RIMS1: variants seen among roughly 807,000 people sequenced by gnomAD.
RIMS1 encodes the protein regulating synaptic membrane exocytosis protein 1.
RIMS1 carries 83 observed loss-of-function variants against 214.1 expected under a neutral mutation model. The ratio of observed to expected loss-of-function variants is 0.39; its 90% confidence interval spans 0.32 to 0.47. The LOEUF is 0.47. Ranked by LOEUF, RIMS1 falls within the 20% of genes least tolerant of loss-of-function variation. The probability of loss-of-function intolerance (pLI) is 0.99; values close to 1 mark genes in which losing one functional copy is unlikely to be tolerated. For missense variants in RIMS1, 2,050 were observed against 2,161.8 expected, an observed-to-expected ratio of 0.95 and a Z score of 1.03; for synonymous variants, 793 against 786.8, an observed-to-expected ratio of 1.01 and a Z score of -0.13.
intron 2 of RIMS1, among the ~76,000 whole-genome samples, chr6:72,030,248 T>C (rs1817709625): frequency 6.6e-6 from 1 of 152,200 alleles, no homozygotes; most frequent in Non-Finnish European, 1.5e-5. Flanking sequence ...TCAGGTAATG[T>C]GATGCTGTGG....
At chr6:71,998,041 G>A (rs1333695495) in intron 2 of RIMS1, among the ~76,000 whole-genome samples, 1 of 152,070 alleles carries the variant, frequency 6.6e-6, no homozygotes, top group Non-Finnish European at 1.5e-5. Flanking sequence ...CATCTAAAAT[G>A]TTTAATGATT....
Position 72,145,911 on chromosome 6 carries a change from G to A in RIMS1, c.472-33664G>A, listed in dbSNP as rs114335140. On this transcript the variant is annotated intron_variant, in intron 4 of 33. Transcript: ENST00000521978. ...CATAAGTTAAGAATACTCCCAAATC[G>A]TTTCCAAATTGTGGAGAAACCAGGC... 8.1e-3 allele frequency among the ~76,000 whole-genome samples: 1,236 copies of A among 152,264 alleles called. 20 individuals are homozygous for A. The highest frequency in any genetic ancestry group is 0.027 in the African/African-American group (1,113 of 41,540).
At chr6:72,026,460 C>G (rs1033922833) in intron 2 of RIMS1, among the ~76,000 whole-genome samples, 5 of 139,774 alleles carry the variant, frequency 3.6e-5, no homozygotes, top group African/African-American at 1.3e-4. Flanking sequence ...GCACCGCCCC[C>G]CCCCCCAACT....
Position 72,030,233 on chromosome 6 carries a change from A to G in RIMS1, c.245+61170A>G, listed in dbSNP as rs544878913. On this transcript the variant is annotated intron_variant, in intron 2 of 33. Transcript: ENST00000521978. Reference sequence around the variant, plus strand: ...GTGCCCAAGATTCTGCATGTCTAACAAGCTTCAGGTAATGTGATGCTGTGG... The same window carrying G: ...GTGCCCAAGATTCTGCATGTCTAACGAGCTTCAGGTAATGTGATGCTGTGG... Among the ~76,000 whole-genome samples, 3 of 152,282 alleles carry G rather than the reference A, an allele frequency of 2.0e-5. No individual in the cohort carries two copies. In the South Asian group the frequency reaches 6.2e-4, roughly 32 times the overall value.
At chr6:72,348,405 T>C (rs2097338748) in intron 29 of RIMS1, among the ~76,000 whole-genome samples, 1 of 151,882 alleles carries the variant, frequency 6.6e-6, no homozygotes, top group Non-Finnish European at 1.5e-5. Context: ...ACTGTAGAAG[T>C]GATTTGTCTA....
intron 29 of RIMS1, among the ~76,000 whole-genome samples, chr6:72,351,013 T>G (rs1406366859): frequency 6.6e-6 from 1 of 152,150 alleles, no homozygotes; most frequent in Non-Finnish European, 1.5e-5. Flanking sequence ...AATAATTCAC[T>G]TTCTTCTCAT....
intron 4 of RIMS1, among the ~76,000 whole-genome samples, chr6:72,126,472 G>A (rs1014514914): frequency 6.6e-6 from 1 of 151,948 alleles, no homozygotes; most frequent in African/African-American, 2.4e-5. Flanking sequence ...ATAATCAGCA[G>A]AGTAAGCCGA....
Position 72,265,714 on chromosome 6 carries a change from G to C in RIMS1, c.3308+211G>C, listed in dbSNP as rs918366371. ...AGGTGTGATTTAGTCTCATTTTTCA[G>C]TCTGAGACACTTTTAAAAATTATGC... On this transcript the variant is annotated intron_variant, in intron 21 of 33. Coordinates refer to ENST00000521978, the MANE Select transcript of RIMS1 (RefSeq NM_014989.7). 4.6e-5 allele frequency among the ~76,000 whole-genome samples: 7 copies of C among 152,104 alleles called. No individual in the cohort carries two copies. In the East Asian group the frequency reaches 1.4e-3, roughly 29 times the overall value.
intron 19 of RIMS1, chr6:72,263,470 C>T: frequency 1.0e-6 from 1 of 980,612 alleles, no homozygotes; most frequent in Non-Finnish European, 1.2e-6. Context: ...CAATAAGTGG[C>T]AAAGCCAAGG....
At chr6:71,940,871 G>A (rs550819702) in intron 1 of RIMS1, among the ~76,000 whole-genome samples, 73 of 152,210 alleles carry the variant, frequency 4.8e-4, no homozygotes, top group African/African-American at 1.6e-3. Context: ...GACATGTTAG[G>A]GTTGTGAAAC....
chr6:71,982,751 A>G (rs1584111952), intron 2 of RIMS1, among the ~76,000 whole-genome samples: 1 of 152,038 alleles, frequency 6.6e-6, no homozygotes, highest in Non-Finnish European at 1.5e-5. Flanking sequence ...TCCTTTTTGC[A>G]TGGGGTTGGA....
chr6:72,181,115 A>C (rs1246599780), intron 5 of RIMS1, among the ~76,000 whole-genome samples: 1 of 152,214 alleles, frequency 6.6e-6, no homozygotes, highest in Non-Finnish European at 1.5e-5. Context: ...AAGAGACCAC[A>C]CACTATTCTA....
chr6:71,929,246 C>T (rs1582854670), intron 1 of RIMS1, among the ~76,000 whole-genome samples: 1 of 152,004 alleles, frequency 6.6e-6, no homozygotes, highest in Non-Finnish European at 1.5e-5. Flanking sequence ...GGTATAGAGC[C>T]GACACAGTTG....
At chr6:72,200,207 C>G (rs905824875) in intron 6 of RIMS1, among the ~76,000 whole-genome samples, 1 of 152,042 alleles carries the variant, frequency 6.6e-6, no homozygotes, top group Non-Finnish European at 1.5e-5. Context: ...CTTGAGTTCT[C>G]TTTTTATACT....
chr6:72,272,295 G>A (rs1317368608), intron 22 of RIMS1, among the ~76,000 whole-genome samples: 1 of 152,122 alleles, frequency 6.6e-6, no homozygotes, highest in Non-Finnish European at 1.5e-5. Flanking sequence ...ACCTATTATA[G>A]AAAGCATATA....
At chr6:71,887,604 CCTCTT>C (rs1768184007) in intron 1 of RIMS1, among the ~76,000 whole-genome samples, 1 of 152,082 alleles carries the variant, frequency 6.6e-6, no homozygotes, top group Non-Finnish European at 1.5e-5. Context: ...GAGGACAGCT[CCTCTT>C]CTCTTCTTGG....
rs371899482 is a variant in RIMS1 at position 72,159,933 on chromosome 6, G to A, written c.472-19642G>A. ...TTTTTCCAATTCTGTCAAGAAAGTC[G>A]TTGGTAGCTTGATGGGGATGGCATT... On this transcript the variant is annotated intron_variant, in intron 4 of 33. Transcript: ENST00000521978. Among the ~76,000 whole-genome samples the A allele has an allele frequency of 3.6e-4, 50 of 139,566 alleles. 9 individuals carry two copies. In the South Asian group the frequency reaches 6.5e-3, roughly 18 times the overall value. The allele number at this position is 139,566 out of a possible 152,430, so 91.6% of individuals were successfully genotyped here. A position where few individuals can be genotyped will look rare whatever the true frequency, so the allele number is the denominator to read the frequency against.
At chr6:72,092,347 G>C (rs1481853784) in intron 2 of RIMS1, among the ~76,000 whole-genome samples, 1 of 118,032 alleles carries the variant, frequency 8.5e-6, no homozygotes, top group Non-Finnish European at 1.8e-5. Context: ...AAAATAAGGA[G>C]CATTGCAGGA....
intron 29 of RIMS1, among the ~76,000 whole-genome samples, chr6:72,387,965 G>A (rs2098640986): frequency 6.6e-6 from 1 of 152,114 alleles, no homozygotes; most frequent in African/African-American, 2.4e-5. Flanking sequence ...ACCTGTTTGT[G>A]TTACATTATA....
Sources: allele counts gnomAD v4.1 joint callset (sites outside exome capture counted in the v4.1 genomes callset), GRCh38; gene constraint gnomAD v4.1.1; transcripts MANE v1.5; gene names NCBI Gene and HGNC (gene_info 2026-07-23, HGNC 2026-07-21).